MAST4: variants seen among roughly 807,000 people sequenced by gnomAD.
The protein encoded by MAST4 is microtubule associated serine/threonine kinase family member 4.
MAST4 carries 89 observed loss-of-function variants against 162.7 expected under a neutral mutation model. That is an observed-to-expected ratio of 0.55 (90% CI 0.46 to 0.65). The LOEUF (loss-of-function observed/expected upper bound fraction) is 0.65, where lower values mean the gene tolerates loss of function less well. Among genes scored for constraint, MAST4 ranks in the 30% least tolerant of loss-of-function variants. The pLI is 0.00. For missense variants in MAST4, 3,153 were observed against 3,374.0 expected (o/e 0.93, Z 1.62); for synonymous variants, 1,479 against 1,361.1 (o/e 1.09, Z -1.91).
chr5:66,788,895 G>A, intron 3 of MAST4, 101 bp downstream of exon 3: 5 of 1,353,428 alleles, frequency 3.7e-6, no homozygotes, highest in Non-Finnish European at 3.9e-6. Flanking sequence ...TTACCCACAT[G>A]TGACGTTAAG....
At chr5:67,128,964 T>C (rs936393057) in intron 14 of MAST4, among the ~76,000 whole-genome samples, 3 of 152,244 alleles carry the variant, frequency 2.0e-5, no homozygotes, top group Admixed American at 1.3e-4. Context: ...TGTTCCTTGT[T>C]GCTCATCATT....
At chr5:66,736,108 C>T (rs927340721) in intron 1 of MAST4, among the ~76,000 whole-genome samples, 3 of 152,216 alleles carry the variant, frequency 2.0e-5, no homozygotes, top group Admixed American at 6.5e-5. Flanking sequence ...CAGACCCTAG[C>T]ACCATCTTGT....
At chr5:66,885,899 T>A (rs945302428) in intron 3 of MAST4, among the ~76,000 whole-genome samples, 6 of 152,234 alleles carry the variant, frequency 3.9e-5, no homozygotes, top group Non-Finnish European at 8.8e-5. Context: ...TAAGATAGAA[T>A]AATAATCTAG....
chr5:66,754,428 G>A (rs1226753154), intron 1 of MAST4, among the ~76,000 whole-genome samples: 1 of 152,176 alleles, frequency 6.6e-6, no homozygotes, highest in East Asian at 1.9e-4. Context: ...GAAGTGTTCA[G>A]TTTTTCAAAA....
chr5:67,114,249 C>A (rs957868222), intron 12 of MAST4, 30 bp downstream of exon 12: 2 of 1,598,668 alleles, frequency 1.3e-6, no homozygotes, highest in South Asian at 2.3e-5. Context: ...CTACCTTTGA[C>A]TTTGCTTATG....
At chr5:67,077,143 G>T (rs1489312372) in intron 5 of MAST4, among the ~76,000 whole-genome samples, 1 of 152,138 alleles carries the variant, frequency 6.6e-6, no homozygotes, top group Non-Finnish European at 1.5e-5. Flanking sequence ...GCTCCCCAGA[G>T]ATTTTGATAC....
chr5:67,135,462 C>T (rs6878808), intron 18 of MAST4, among the ~76,000 whole-genome samples: 13,779 of 152,150 alleles, frequency 0.091, 692 homozygotes, highest in African/African-American at 0.14. Context: ...CAGCCACGTA[C>T]GGTCTATTTG....
rs540959455 is a variant in MAST4, at chr5:67,144,708, G to C, written c.2770G>C (p.Glu924Gln). 6.2e-7 allele frequency: 1 copy of C among 1,613,930 alleles called. No individual in the cohort carries two copies. The highest frequency in any genetic ancestry group is 1.7e-5 in the Admixed American group (1 of 60,020). ...SIDRITQNSA[E>Q]EKEDSVDKTK... ...AGATCGAATCACTCAGAATTCAGCAGAAGAGAAGGAAGACTCTGTGGACAA... is the reference window on the plus strand; with the variant it reads ...AGATCGAATCACTCAGAATTCAGCACAAGAGAAGGAAGACTCTGTGGACAA... The change falls in exon 22 of 29, where the codon GAA becomes CAA. Residue 924 changes from glutamate (E) to glutamine (Q), a missense_variant. Glu to Gln is a conservative substitution (Grantham distance 29). This residue lies in a region of MAST4 where 619 missense variants were observed against 744.2 expected (regional missense o/e 0.83). Coordinates refer to ENST00000403625, the MANE Select transcript of MAST4 (RefSeq NM_001164664.2).
At chr5:66,823,749 C>A (rs1561355968) in intron 3 of MAST4, among the ~76,000 whole-genome samples, 1 of 152,188 alleles carries the variant, frequency 6.6e-6, no homozygotes, top group Non-Finnish European at 1.5e-5. Context: ...CCTGCCTCAG[C>A]CTCTGAAAGT....
intron 4 of MAST4, among the ~76,000 whole-genome samples, chr5:66,967,735 G>A (rs1175514798): frequency 6.7e-6 from 1 of 148,830 alleles, no homozygotes; most frequent in Non-Finnish European, 1.5e-5. Flanking sequence ...GGAGAAATAG[G>A]CAAAATACAC....
rs546481320 is a variant in MAST4 at position 66,910,525 on chromosome 5, G to C, written c.674+10543G>C. The stretch of plus-strand genomic sequence containing the variant: ...TGTGTCCTGGTGTTTCTTGGAATCT[G>C]TGCCATCTCCTCTGCCATTTTGACT... On this transcript the variant is annotated intron_variant, in intron 4 of 28. Transcript: ENST00000403625. Among the ~76,000 whole-genome samples, 3 of 152,194 alleles carry C rather than the reference G, an allele frequency of 2.0e-5. No individual in the cohort carries two copies. The South Asian group carries it at 6.2e-4, about 32-fold the overall frequency.
intron 4 of MAST4, among the ~76,000 whole-genome samples, chr5:66,915,602 A>G (rs1764062135): frequency 6.6e-6 from 1 of 152,256 alleles, no homozygotes; most frequent in Non-Finnish European, 1.5e-5. Flanking sequence ...TGTACTTTTC[A>G]GTACAAGTAA....
chr5:66,625,648 T>C (rs1269624238), intron 1 of MAST4, among the ~76,000 whole-genome samples: 1 of 152,158 alleles, frequency 6.6e-6, no homozygotes, highest in Non-Finnish European at 1.5e-5. Flanking sequence ...CAGATAAATG[T>C]TGGCGAGGAT....
At chr5:67,069,881 A>AGTGTGTGTGTGTGTGTGTGTGT (rs200867949) in intron 5 of MAST4, among the ~76,000 whole-genome samples, 1 of 142,666 alleles carries the variant, frequency 7.0e-6, no homozygotes, top group African/African-American at 2.6e-5. Context: ...TTTGAGAGAA[A>AGTGTGTGTGTGTGTGTGTGTGT]GTGTGTGTGT....
At chr5:66,653,758 G>C in intron 1 of MAST4, among the ~76,000 whole-genome samples, 1 of 152,132 alleles carries the variant, frequency 6.6e-6, no homozygotes, top group East Asian at 1.9e-4. Context: ...CTTTCTCCAT[G>C]TATCCTCTGA....
chr5:66,683,144 A>G (rs1034852178), intron 1 of MAST4, among the ~76,000 whole-genome samples: 2 of 152,180 alleles, frequency 1.3e-5, no homozygotes, highest in African/African-American at 4.8e-5. Context: ...ACTGTGCCAA[A>G]GCATAAGCTC....
intron 1 of MAST4, among the ~76,000 whole-genome samples, chr5:66,670,983 A>G (rs947602783): frequency 6.6e-6 from 1 of 152,112 alleles, no homozygotes; most frequent in Non-Finnish European, 1.5e-5. Context: ...CCTTGACACA[A>G]CCATTTTTAC....
At chr5:66,812,384 C>T (rs1186000318) in intron 3 of MAST4, among the ~76,000 whole-genome samples, 1 of 152,144 alleles carries the variant, frequency 6.6e-6, no homozygotes. Flanking sequence ...ATCGCTAACA[C>T]AAAACCTTGA....
At chr5:66,711,517 A>C (rs1424518116) in intron 1 of MAST4, among the ~76,000 whole-genome samples, 1 of 151,904 alleles carries the variant, frequency 6.6e-6, no homozygotes, top group African/African-American at 2.4e-5. Context: ...TCTGTCATCA[A>C]CTCTTCCTGC....
Sources: gnomAD v4.1 joint callset for allele counts (sites outside exome capture counted in the v4.1 genomes callset) on GRCh38, gnomAD v4.1.1 for gene constraint, gnomAD v4.1.1 regional missense constraint, MANE v1.5 for transcripts, NCBI Gene and HGNC (gene_info 2026-07-23, HGNC 2026-07-21) for gene names.